Variants in JADE1 observed in about 807,000 individuals in gnomAD.
JADE1 encodes protein Jade-1.
Under a neutral mutation model 81.8 loss-of-function variants are expected in JADE1, and 14 were observed. That is an observed-to-expected ratio of 0.17 (90% CI 0.11 to 0.27). The LOEUF (loss-of-function observed/expected upper bound fraction) is 0.27. JADE1 is among the 10% of genes least tolerant of loss of function. The pLI is 1.00. For missense variants in JADE1, 690 were observed against 1,047.9 expected (o/e 0.66, Z 4.71); for synonymous variants, 353 against 391.9 (o/e 0.90, Z 1.17).
chr4:128,848,819 T>C (rs1730093519), intron 4 of JADE1, among the ~76,000 whole-genome samples, 161 bp from the exon 5 acceptor site: 1 of 152,198 alleles, frequency 6.6e-6, no homozygotes, highest in African/African-American at 2.4e-5. Context: ...TTTAACAACT[T>C]CTAGTTAAGG....
At chr4:128,840,087 TA>T (rs1460591760) in intron 2 of JADE1, among the ~76,000 whole-genome samples, 3 of 152,222 alleles carry the variant, frequency 2.0e-5, no homozygotes, top group South Asian at 2.1e-4. Context: ...CATCTTTGTA[TA>T]TCTGTTTTTA....
chr4:128,819,328 G>A (rs1178799516), intron 1 of JADE1, among the ~76,000 whole-genome samples: 1 of 152,138 alleles, frequency 6.6e-6, no homozygotes, highest in African/African-American at 2.4e-5. Flanking sequence ...GTAGTGCAGT[G>A]GCACGATCAC....
intron 1 of JADE1, among the ~76,000 whole-genome samples, chr4:128,817,236 A>G (rs1047910315): frequency 3.3e-5 from 5 of 151,962 alleles, no homozygotes; most frequent in African/African-American, 9.7e-5. Context: ...AGGTTTCACT[A>G]TGTTGCTCAG....
intron 1 of JADE1, among the ~76,000 whole-genome samples, chr4:128,825,944 G>A (rs1457506780): frequency 6.6e-6 from 1 of 152,220 alleles, no homozygotes; most frequent in East Asian, 1.9e-4. Context: ...GCAGTGAGTG[G>A]AGTAGAGACA....
intron 2 of JADE1, among the ~76,000 whole-genome samples, chr4:128,841,842 T>C (rs1413184518): frequency 6.6e-6 from 1 of 151,238 alleles, no homozygotes; most frequent in South Asian, 2.1e-4. Flanking sequence ...ACCCACAGAG[T>C]GGAAAGAGAA....
intron 8 of JADE1, among the ~76,000 whole-genome samples, chr4:128,858,376 G>A (rs1224368612): frequency 3.3e-5 from 5 of 151,972 alleles, no homozygotes; most frequent in East Asian, 1.9e-4. Flanking sequence ...GGATCTTCTC[G>A]GATGTACTAG....
chr4:128,872,297 G>A lies in JADE1; in HGVS notation c.*35G>A, dbSNP rs552785799. ...GATGATGCGGAAGCCCTTTGGGCTC[G>A]TCATTGGGTTTGCTAGAGGAGAGCT... On this transcript the variant is annotated 3_prime_UTR_variant, in exon 11 of 11. Coordinates refer to ENST00000226319, the MANE Select transcript of JADE1 (RefSeq NM_199320.4). 67 of 1,585,622 alleles carry A rather than the reference G, an allele frequency of 4.2e-5. No homozygotes were observed. Among genetic ancestry groups the A allele is most frequent in the Admixed American group, 8.6e-5 (5 of 58,362 alleles).
chr4:128,812,225 A>G (rs946682610), intron 1 of JADE1, among the ~76,000 whole-genome samples: 3 of 151,886 alleles, frequency 2.0e-5, no homozygotes, highest in Non-Finnish European at 4.4e-5. Context: ...TCATCACTGC[A>G]CCGGGGCTAA....
At position 128,857,336 on chromosome 4, in the gene JADE1, A is replaced by T; in HGVS notation, c.865-2A>T. On this transcript the variant is annotated splice_acceptor_variant, in intron 7 of 10. Transcript: ENST00000226319. LOFTEE classifies it high-confidence loss of function. ...CCTGTCTTGCTGTTTTCCGACCTTT[A>T]GGTGAGCATTGGCAGCCCAGAGAAG... is the stretch of plus-strand genomic sequence containing the variant. 1 of 1,613,236 alleles carries T rather than the reference A, an allele frequency of 6.2e-7. No homozygotes were observed. The highest frequency in any genetic ancestry group is 2.2e-5 in the East Asian group (1 of 44,866).
chr4:128,847,381 T>G (rs1201175190), intron 4 of JADE1, among the ~76,000 whole-genome samples: 1 of 152,200 alleles, frequency 6.6e-6, no homozygotes, highest in Non-Finnish European at 1.5e-5. Context: ...CACTTAAGAT[T>G]ATCAAATTTG....
Position 128,872,573 on chromosome 4 carries a change from A to G in JADE1, c.*311A>G. On this transcript the variant is annotated 3_prime_UTR_variant, in exon 11 of 11. Coordinates refer to ENST00000226319, the MANE Select transcript of JADE1 (RefSeq NM_199320.4). Reference sequence around the variant, plus strand: ...AGGCAAGGCTTAAATAAGCCTCATGAATTTTTATAGCCCTCTGCATTCTTC... The same window carrying G: ...AGGCAAGGCTTAAATAAGCCTCATGGATTTTTATAGCCCTCTGCATTCTTC... 3.3e-6 allele frequency: 1 copy of G among 299,296 alleles called. No individual in the cohort carries two copies. The highest frequency in any genetic ancestry group is 6.3e-6 in the Non-Finnish European group (1 of 158,242). The allele number at this position is 299,296 out of a possible 1,614,324, so 18.5% of individuals were successfully genotyped here.
At chr4:128,836,717 T>C (rs1729010958) in intron 2 of JADE1, among the ~76,000 whole-genome samples, 1 of 151,032 alleles carries the variant, frequency 6.6e-6, no homozygotes, top group African/African-American at 2.4e-5. Context: ...CTCAGGCAAA[T>C]AGTAGCTCTG....
At chr4:128,847,356 G>C (rs999693594) in intron 4 of JADE1, among the ~76,000 whole-genome samples, 3 of 152,144 alleles carry the variant, frequency 2.0e-5, no homozygotes, top group African/African-American at 7.2e-5. Flanking sequence ...CCCACTTTGT[G>C]TCTCTTTTTT....
rs894179733 is a variant in JADE1, at chr4:128,872,757, A to G, written c.*495A>G. ...TGGCCCTCAAGGCTATTTTTGTTGC[A>G]TTATAGCATATAGGCAGCAGCTCTG... On this transcript the variant is annotated 3_prime_UTR_variant, in exon 11 of 11. Coordinates refer to ENST00000226319, the MANE Select transcript of JADE1 (RefSeq NM_199320.4). 2.5e-5 allele frequency: 8 copies of G among 317,102 alleles called. No individual in the cohort carries two copies. The highest frequency in any genetic ancestry group is 1.7e-4 in the African/African-American group (8 of 46,306). 19.6% of individuals were successfully genotyped at this position (317,102 alleles called of 1,614,324 possible). A position where few individuals can be genotyped will look rare whatever the true frequency, so the allele number is the denominator to read the frequency against.
intron 2 of JADE1, among the ~76,000 whole-genome samples, chr4:128,834,276 G>T (rs1214042477): frequency 6.6e-6 from 1 of 152,146 alleles, no homozygotes; most frequent in African/African-American, 2.4e-5. Context: ...GAGGCCTCTC[G>T]TGGTTTGCAG....
intron 1 of JADE1, among the ~76,000 whole-genome samples, chr4:128,814,063 T>G (rs1230358045): frequency 6.6e-6 from 1 of 151,736 alleles, no homozygotes; most frequent in East Asian, 1.9e-4. Context: ...AAAACCCACC[T>G]TCTTAGTTCT....
At chr4:128,823,568 T>A (rs994900908) in intron 1 of JADE1, among the ~76,000 whole-genome samples, 3 of 152,214 alleles carry the variant, frequency 2.0e-5, no homozygotes, top group Admixed American at 1.3e-4. Flanking sequence ...AAGTTTTACC[T>A]CCTTCCAGAG....
At chr4:128,822,040 A>G (rs1293492592) in intron 1 of JADE1, among the ~76,000 whole-genome samples, 1 of 152,042 alleles carries the variant, frequency 6.6e-6, no homozygotes, top group Non-Finnish European at 1.5e-5. Context: ...CCTTTGCATC[A>G]GATATTCTTT....
intron 10 of JADE1, among the ~76,000 whole-genome samples, chr4:128,868,380 G>A (rs1731939365): frequency 6.6e-6 from 1 of 152,154 alleles, no homozygotes; most frequent in Non-Finnish European, 1.5e-5. Context: ...GGCTCTATCT[G>A]TAACATGGTA....
Sources: gnomAD v4.1 joint callset for allele counts (sites outside exome capture counted in the v4.1 genomes callset) on GRCh38, gnomAD v4.1.1 for gene constraint, MANE v1.5 for transcripts, NCBI Gene and HGNC (gene_info 2026-07-23, HGNC 2026-07-21) for gene names.